AGO3: variants seen among roughly 807,000 people sequenced by gnomAD.
AGO3 encodes the protein protein argonaute-3.
AGO3 carries 16 observed loss-of-function variants against 105.5 expected under a neutral mutation model. The ratio of observed to expected loss-of-function variants is 0.15; its 90% CI spans 0.10 to 0.23. The LOEUF (loss-of-function observed/expected upper bound fraction) is 0.23. AGO3 is among the 10% of genes least tolerant of loss of function. The pLI is 1.00. For missense variants in AGO3, 534 were observed against 1,088.0 expected (o/e 0.49, Z 7.16); for synonymous variants, 340 against 367.3 (o/e 0.93, Z 0.85).
At chr1:35,933,541 C>T (rs1646093149) in intron 1 of AGO3, among the ~76,000 whole-genome samples, 1 of 144,776 alleles carries the variant, frequency 6.9e-6, no homozygotes, top group Admixed American at 7.4e-5. Flanking sequence ...ACTTGGGAGG[C>T]TGAGGCAGGA....
At chr1:36,024,494 T>G (rs998139860) in intron 11 of AGO3, among the ~76,000 whole-genome samples, 2 of 152,112 alleles carry the variant, frequency 1.3e-5, no homozygotes, top group African/African-American at 4.8e-5. Flanking sequence ...GTTTTCTGGC[T>G]TCTTTTCCTT....
At chr1:36,025,759 C>T (rs1048668843) in intron 11 of AGO3, among the ~76,000 whole-genome samples, 9 of 151,972 alleles carry the variant, frequency 5.9e-5, no homozygotes, top group Admixed American at 6.6e-5. Context: ...AATTGGTGGC[C>T]GGGAGCAGTG....
intron 5 of AGO3, among the ~76,000 whole-genome samples, chr1:36,003,685 A>T (rs2148808841): frequency 8.4e-6 from 1 of 118,962 alleles, no homozygotes; most frequent in African/African-American, 3.6e-5. Context: ...CAAGAGTGAA[A>T]GTCTGTCTCA....
chr1:36,001,419 A>G (rs1324474625), intron 5 of AGO3, among the ~76,000 whole-genome samples: 2 of 152,226 alleles, frequency 1.3e-5, no homozygotes, highest in Non-Finnish European at 2.9e-5. Flanking sequence ...GTACATTCAT[A>G]CAGTGGGATA....
chr1:35,986,197 A>G (rs995289244), intron 5 of AGO3, among the ~76,000 whole-genome samples: 5 of 152,264 alleles, frequency 3.3e-5, no homozygotes, highest in African/African-American at 7.2e-5. Context: ...ATGAAATTGC[A>G]TAACTTAAAA....
chr1:35,932,693 T>A (rs1411419569), intron 1 of AGO3, among the ~76,000 whole-genome samples: 1 of 152,108 alleles, frequency 6.6e-6, no homozygotes, highest in Non-Finnish European at 1.5e-5. Flanking sequence ...GTGAAAAGAT[T>A]TCGACTCTTA....
chr1:35,945,350 G>A (rs1283460802), intron 1 of AGO3, among the ~76,000 whole-genome samples: 1 of 151,872 alleles, frequency 6.6e-6, no homozygotes, highest in Non-Finnish European at 1.5e-5. Context: ...ACCATGCCCT[G>A]CCCTTTCTTC....
At chr1:36,053,553 G>C (rs920648862) in intron 17 of AGO3, among the ~76,000 whole-genome samples, 2 of 151,928 alleles carry the variant, frequency 1.3e-5, no homozygotes, top group East Asian at 1.9e-4. Context: ...GGGATTACAG[G>C]TGTGAGCCAC....
At chr1:35,952,829 AC>A (rs1646498353) in intron 2 of AGO3, among the ~76,000 whole-genome samples, 1 of 152,230 alleles carries the variant, frequency 6.6e-6, no homozygotes, top group East Asian at 1.9e-4. Context: ...TGTTCACACA[AC>A]AAAATGATAA....
At chr1:36,026,304 C>T (rs997025766) in intron 11 of AGO3, among the ~76,000 whole-genome samples, 6 of 152,006 alleles carry the variant, frequency 3.9e-5, no homozygotes, top group Middle Eastern at 3.4e-3. Flanking sequence ...TATGGGTTTT[C>T]GCCATGTTGG....
chr1:35,931,600 C>A (rs551002943), intron 1 of AGO3, among the ~76,000 whole-genome samples, 155 bp downstream of exon 1: 1 of 152,362 alleles, frequency 6.6e-6, no homozygotes, highest in East Asian at 1.9e-4. Flanking sequence ...GCGACCTCCC[C>A]GCAGCCCAGC....
intron 11 of AGO3, 72 bp downstream of exon 11, chr1:36,014,120 A>C (rs1640756114): frequency 1.3e-6 from 2 of 1,591,976 alleles, no homozygotes; most frequent in Non-Finnish European, 1.7e-6. Context: ...CTAATGTTCT[A>C]ACAGATGTTG....
intron 2 of AGO3, among the ~76,000 whole-genome samples, chr1:35,949,996 G>T (rs1323429793): frequency 6.6e-6 from 1 of 152,186 alleles, no homozygotes; most frequent in Non-Finnish European, 1.5e-5. Flanking sequence ...GCTGAGGCGA[G>T]TGGATCACGA....
chr1:35,975,909 T>G (rs1332884772), intron 5 of AGO3, among the ~76,000 whole-genome samples: 2 of 152,032 alleles, frequency 1.3e-5, no homozygotes, highest in African/African-American at 4.8e-5. Context: ...TTCACATAAA[T>G]TTTGCACATT....
At chr1:35,952,160 T>TG (rs1646485992) in intron 2 of AGO3, among the ~76,000 whole-genome samples, 10 of 143,956 alleles carry the variant, frequency 6.9e-5, no homozygotes, top group African/African-American at 2.1e-4. Context: ...TTTTTTTTTT[T>TG]TTTTTTGACA....
At chr1:36,053,782 C>A (rs978348654) in intron 17 of AGO3, among the ~76,000 whole-genome samples, 2 of 131,830 alleles carry the variant, frequency 1.5e-5, no homozygotes, top group Non-Finnish European at 1.6e-5. Context: ...GACAGTCTCG[C>A]TCTGTCACCA....
Position 36,068,672 on chromosome 1 carries a change from A to C in AGO3, c.*12927A>C, listed in dbSNP as rs1326055283. ...CTTTTATTCTGATACATGGCTTCTA[A>C]AATATGTAAAAAATTATATTGAATG... On this transcript the variant is annotated 3_prime_UTR_variant, in exon 19 of 19. Transcript: ENST00000373191. 1 of 152,214 alleles carries C rather than the reference A, an allele frequency of 6.6e-6. No individual in the cohort carries two copies. Among genetic ancestry groups the C allele is most frequent in the East Asian group, 1.9e-4 (1 of 5,204 alleles). The allele number at this position is 152,214 out of a possible 1,614,324, so 9.4% of individuals were successfully genotyped here. A position where few individuals can be genotyped will look rare whatever the true frequency, so the allele number is the denominator to read the frequency against.
chr1:36,043,522 T>G lies in AGO3; in HGVS notation c.2248T>G (p.Tyr750Asp). ...TACACACCCATATGAGTTCGATTTT[T>G]ACCTCTGTAGCCATGCTGGAATACA... ...DITHPYEFDF[Y>D]LCSHAGIQGT... Residue 750 changes from tyrosine (Y) to aspartate (D), a missense_variant, in exon 17 of 19, where the codon TAC becomes GAC. Around this residue, in one of 2 missense-constraint regions of AGO3, gnomAD observed 373 missense variants for 854.0 expected, o/e 0.44. Transcript: ENST00000373191. 6.2e-7 allele frequency: 1 copy of G among 1,613,678 alleles called. No homozygotes were observed. Among genetic ancestry groups the G allele is most frequent in the Non-Finnish European group, 8.5e-7 (1 of 1,179,788 alleles).
intron 8 of AGO3, 24 bp from the exon 9 acceptor site, chr1:36,009,451 T>C (rs370321103): frequency 8.4e-5 from 134 of 1,599,012 alleles, no homozygotes; most frequent in Non-Finnish European, 1.1e-4. Flanking sequence ...ATACATGTAG[T>C]ACAAAACTTT....
Sources: gnomAD v4.1 joint callset for allele counts (sites outside exome capture counted in the v4.1 genomes callset) on GRCh38, gnomAD v4.1.1 for gene constraint, gnomAD v4.1.1 regional missense constraint, MANE v1.5 for transcripts, NCBI Gene and HGNC (gene_info 2026-07-23, HGNC 2026-07-21) for gene names.